GHR: variants seen among roughly 807,000 people sequenced by gnomAD.
GHR encodes growth hormone receptor.
GHR carries 35 observed loss-of-function variants against 67.1 expected under a neutral mutation model. That is an observed-to-expected ratio of 0.52 (90% CI 0.40 to 0.69). The LOEUF (loss-of-function observed/expected upper bound fraction) is 0.69, where lower values mean the gene tolerates loss of function less well. Ranked by LOEUF, GHR falls within the 30% of genes least tolerant of loss-of-function variation. The pLI is 0.00. For missense variants in GHR, 792 were observed against 764.6 expected (o/e 1.04, Z -0.42); for synonymous variants, 272 against 269.1 (o/e 1.01, Z -0.10).
At chr5:42,591,926 C>T (rs1047240288) in intron 2 of GHR, among the ~76,000 whole-genome samples, 1 of 152,090 alleles carries the variant, frequency 6.6e-6, no homozygotes. Context: ...GTCCAAAGGC[C>T]GGTCTCACTC....
chr5:42,583,357 C>T (rs1441921481), intron 2 of GHR, among the ~76,000 whole-genome samples: 1 of 144,568 alleles, frequency 6.9e-6, no homozygotes, highest in African/African-American at 2.7e-5. Context: ...GTCAACTAGG[C>T]CCTTGCACCC....
At chr5:42,459,110 A>G (rs1030725824) in intron 1 of GHR, among the ~76,000 whole-genome samples, 2 of 152,212 alleles carry the variant, frequency 1.3e-5, no homozygotes, top group African/African-American at 2.4e-5. Context: ...TTTCTCAAAG[A>G]ACTCAAAGTA....
At chr5:42,481,504 C>T (rs1222111344) in intron 1 of GHR, among the ~76,000 whole-genome samples, 1 of 152,158 alleles carries the variant, frequency 6.6e-6, no homozygotes, top group East Asian at 1.9e-4. Flanking sequence ...GTTCCATTCT[C>T]CCCGTCACTT....
In GHR at chr5:42,474,297, G is replaced by GAAAGAAAGAAAGA. The variant is rs1318583063; in HGVS notation, c.-12+50345_-12+50357dup. Among the ~76,000 whole-genome samples, 99 of 124,274 alleles carry GAAAGAAAGAAAGA rather than the reference G, an allele frequency of 8.0e-4. 1 individual carries two copies. The highest frequency in any genetic ancestry group is 1.4e-3 in the Non-Finnish European group (82 of 57,474). The allele number at this position is 124,274 out of a possible 152,430, so 81.5% of individuals were successfully genotyped here. A position where few individuals can be genotyped will look rare whatever the true frequency, so the allele number is the denominator to read the frequency against. ...AAAGAAAGAAAGAAAAAGAGAAAGAGAAAGAAAGAAAGAAAGAAAGAAAGA... is the reference window on the plus strand; with the variant it reads ...AAAGAAAGAAAGAAAAAGAGAAAGAGAAAGAAAGAAAGAAAAGAAAGAAAGAAAGAAAGAAAGA... On this transcript the variant is annotated intron_variant, in intron 1 of 9. Coordinates refer to ENST00000230882, the MANE Select transcript of GHR (RefSeq NM_000163.5).
intron 1 of GHR, among the ~76,000 whole-genome samples, chr5:42,549,371 G>T (rs562679530): frequency 6.6e-6 from 1 of 152,308 alleles, no homozygotes; most frequent in Admixed American, 6.5e-5. Flanking sequence ...GGTTGTGCTA[G>T]GTAGTGGGCA....
intron 1 of GHR, among the ~76,000 whole-genome samples, chr5:42,532,548 A>G (rs1561100987): frequency 6.6e-6 from 1 of 152,194 alleles, no homozygotes; most frequent in East Asian, 1.9e-4. Context: ...CCCCAGTCTC[A>G]TTATTTTCTC....
chr5:42,578,532 A>C (rs1018982045), intron 2 of GHR, among the ~76,000 whole-genome samples: 2 of 152,206 alleles, frequency 1.3e-5, no homozygotes, highest in Non-Finnish European at 2.9e-5. Flanking sequence ...TGTGTGTGTA[A>C]CATGTACAAA....
intron 3 of GHR, among the ~76,000 whole-genome samples, chr5:42,668,185 A>G (rs1482130341): frequency 6.6e-6 from 1 of 152,182 alleles, no homozygotes; most frequent in African/African-American, 2.4e-5. Flanking sequence ...AATGCAAGAT[A>G]TTTTTCTTTG....
At chr5:42,657,352 G>GT (rs1303625796) in intron 3 of GHR, among the ~76,000 whole-genome samples, 10 of 152,116 alleles carry the variant, frequency 6.6e-5, no homozygotes. Flanking sequence ...ACATATAAAT[G>GT]ATTTTCTCTG....
chr5:42,678,355 A>T (rs1454737451), intron 3 of GHR, among the ~76,000 whole-genome samples: 1 of 152,214 alleles, frequency 6.6e-6, no homozygotes, highest in Non-Finnish European at 1.5e-5. Flanking sequence ...GAAATGAATT[A>T]TGTGTGAATC....
At chr5:42,545,317 G>T (rs1215050875) in intron 1 of GHR, among the ~76,000 whole-genome samples, 1 of 152,120 alleles carries the variant, frequency 6.6e-6, no homozygotes, top group African/African-American at 2.4e-5. Context: ...AGAAAATGTG[G>T]CAATATAATT....
intron 1 of GHR, among the ~76,000 whole-genome samples, chr5:42,489,125 C>A (rs1211094831): frequency 6.6e-6 from 1 of 152,122 alleles, no homozygotes; most frequent in Non-Finnish European, 1.5e-5. Flanking sequence ...CGTATCTGCT[C>A]AATCTTCAAT....
chr5:42,696,561 T>A (rs554381907), intron 5 of GHR, among the ~76,000 whole-genome samples: 1 of 152,272 alleles, frequency 6.6e-6, no homozygotes, highest in African/African-American at 2.4e-5. Flanking sequence ...AGTAACTTAG[T>A]AGTTACTTAG....
At chr5:42,648,924 C>G (rs528610795) in intron 3 of GHR, among the ~76,000 whole-genome samples, 145 of 152,266 alleles carry the variant, frequency 9.5e-4, no homozygotes, top group Middle Eastern at 6.8e-3. Context: ...TCTCTTAAAC[C>G]TGACCAATAT....
intron 1 of GHR, among the ~76,000 whole-genome samples, chr5:42,460,854 C>A (rs1193066343): frequency 1.3e-5 from 2 of 152,102 alleles, no homozygotes; most frequent in Non-Finnish European, 2.9e-5. Context: ...TCAATGAAGA[C>A]CAGTTGCCAT....
At chr5:42,468,813 G>T in intron 1 of GHR, 2 of 1,034,346 alleles carry the variant, frequency 1.9e-6, no homozygotes, top group Non-Finnish European at 2.9e-6. Flanking sequence ...CAAATAACTG[G>T]TCGAATCGGT....
intron 1 of GHR, among the ~76,000 whole-genome samples, chr5:42,479,080 A>G (rs1045543183): frequency 6.6e-6 from 1 of 152,132 alleles, no homozygotes; most frequent in Admixed American, 6.5e-5. Flanking sequence ...ATTTACTGAG[A>G]GTTTTTAGCA....
intron 1 of GHR, among the ~76,000 whole-genome samples, chr5:42,478,026 GTAA>G (rs1745424139): frequency 6.6e-6 from 1 of 151,838 alleles, no homozygotes; most frequent in Non-Finnish European, 1.5e-5. Flanking sequence ...GGTCTAACAT[GTAA>G]GTCTTTAATC....
intron 2 of GHR, among the ~76,000 whole-genome samples, chr5:42,625,552 CAGCTTGGTTTTATATATTTTAGGG>C (rs1753659459): frequency 6.6e-6 from 1 of 151,988 alleles, no homozygotes; most frequent in South Asian, 2.1e-4. Context: ...GGTCAGGGTA[CAGCTTGGTTTTATATATTTTAGGG>C]AGGCATAAGA....
Sources: allele counts gnomAD v4.1 joint callset (sites outside exome capture counted in the v4.1 genomes callset), GRCh38; gene constraint gnomAD v4.1.1; transcripts MANE v1.5; gene names NCBI Gene and HGNC (gene_info 2026-07-23, HGNC 2026-07-21).